The following GPR158 variants were observed in gnomAD, a reference collection of about 807,000 sequenced individuals.
GPR158 encodes metabotropic glycine receptor.
A neutral mutation model predicts 78.2 loss-of-function variants in GPR158; 30 were observed. The ratio of observed to expected loss-of-function variants is 0.38; its 90% CI spans 0.29 to 0.52. GPR158 has a LOEUF of 0.52. Among genes scored for constraint, GPR158 ranks in the 20% least tolerant of loss-of-function variants. The probability of loss-of-function intolerance (pLI) is 0.83; values close to 1 mark genes in which losing one functional copy is unlikely to be tolerated. For missense variants in GPR158, 1,463 were observed against 1,523.5 expected (o/e 0.96, Z 0.66); for synonymous variants, 581 against 591.1 (o/e 0.98, Z 0.25).
chr10:25,348,961 T>C (rs1188206936), intron 2 of GPR158, among the ~76,000 whole-genome samples: 1 of 152,060 alleles, frequency 6.6e-6, no homozygotes, highest in Non-Finnish European at 1.5e-5. Context: ...TCACCATTCA[T>C]AACCAATTCT....
intron 6 of GPR158, among the ~76,000 whole-genome samples, chr10:25,554,545 A>G (rs943003742): frequency 6.6e-6 from 1 of 152,146 alleles, no homozygotes; most frequent in Non-Finnish European, 1.5e-5. Flanking sequence ...ATGAAAATAA[A>G]TGCTATTTTC....
At chr10:25,433,572 C>T (rs375991329) in intron 4 of GPR158, among the ~76,000 whole-genome samples, 12,589 of 98,376 alleles carry the variant, frequency 0.13, 1,379 homozygotes, top group African/African-American at 0.34. Context: ...TGTGTGTGTG[C>T]GCGCGCGCGT....
intron 2 of GPR158, among the ~76,000 whole-genome samples, chr10:25,308,691 A>T (rs1398538484): frequency 2.0e-5 from 3 of 152,106 alleles, no homozygotes; most frequent in Non-Finnish European, 4.4e-5. Flanking sequence ...GAAACTCTGC[A>T]CCTGTTAAAC....
intron 1 of GPR158, among the ~76,000 whole-genome samples, chr10:25,201,666 G>A (rs978191752): frequency 1.3e-5 from 2 of 152,060 alleles, no homozygotes; most frequent in African/African-American, 4.8e-5. Flanking sequence ...TCAATGCCTA[G>A]TTTGTTGAGG....
chr10:25,586,791 A>G (rs1350325017), intron 7 of GPR158, among the ~76,000 whole-genome samples: 3 of 152,178 alleles, frequency 2.0e-5, no homozygotes, highest in African/African-American at 7.2e-5. Flanking sequence ...AAGTCCCAAT[A>G]TGATCAAAAT....
intron 2 of GPR158, among the ~76,000 whole-genome samples, chr10:25,299,700 T>C (rs1286167767): frequency 6.6e-6 from 1 of 152,186 alleles, no homozygotes; most frequent in African/African-American, 2.4e-5. Flanking sequence ...AACACGGGAG[T>C]GCAGATATGT....
intron 5 of GPR158, among the ~76,000 whole-genome samples, chr10:25,518,556 G>T (rs1276132275): frequency 3.1e-5 from 2 of 63,684 alleles, no homozygotes; most frequent in African/African-American, 1.8e-4. Flanking sequence ...GCGTCCCAGA[G>T]ATTCTGGTAT....
intron 2 of GPR158, among the ~76,000 whole-genome samples, 183 bp from the exon 3 acceptor site, chr10:25,395,728 T>A (rs1834355480): frequency 6.6e-6 from 1 of 152,182 alleles, no homozygotes; most frequent in South Asian, 2.1e-4. Context: ...GAAAGGAAAC[T>A]TAATTTACTG....
intron 2 of GPR158, among the ~76,000 whole-genome samples, chr10:25,249,458 T>C (rs1468830672): frequency 2.0e-5 from 3 of 152,012 alleles, no homozygotes; most frequent in South Asian, 2.1e-4. Context: ...TTGTCATAGA[T>C]AGCTCTTATT....
At chr10:25,434,897 C>T in intron 4 of GPR158, among the ~76,000 whole-genome samples, 1 of 152,026 alleles carries the variant, frequency 6.6e-6, no homozygotes, top group Middle Eastern at 3.2e-3. Context: ...ATTCATCAGA[C>T]TAATAGAAGA....
chr10:25,532,587 A>G (rs1836439489), intron 5 of GPR158, among the ~76,000 whole-genome samples: 1 of 152,172 alleles, frequency 6.6e-6, no homozygotes. Context: ...GATATTACAT[A>G]TGATACTTTC....
chr10:25,254,882 A>T (rs114591944), intron 2 of GPR158, among the ~76,000 whole-genome samples: 1,544 of 152,262 alleles, frequency 0.01, 23 homozygotes, highest in South Asian at 0.058. Context: ...CTTTTTCAAG[A>T]GAGTTAGTTG....
chr10:25,377,560 A>G (rs1834098399), intron 2 of GPR158, among the ~76,000 whole-genome samples: 1 of 152,028 alleles, frequency 6.6e-6, no homozygotes, highest in African/African-American at 2.4e-5. Flanking sequence ...ACACTTGGCA[A>G]TCACTATTCT....
In GPR158 at chr10:25,404,457, G is replaced by A. The variant is rs1191493411; in HGVS notation, c.1112-7793G>A. Among the ~76,000 whole-genome samples, 3 of 152,150 alleles carry A rather than the reference G, an allele frequency of 2.0e-5. No homozygotes were observed. In the South Asian group the frequency reaches 6.2e-4, roughly 32 times the overall value. On this transcript the variant is annotated intron_variant, in intron 3 of 10. Transcript: ENST00000376351. ...AAGTTGCCTTTTATACATGAATATT[G>A]AAATATTTAACCAACGATTTATTTC...
At chr10:25,370,581 C>G (rs1295163573) in intron 2 of GPR158, among the ~76,000 whole-genome samples, 2 of 145,152 alleles carry the variant, frequency 1.4e-5, no homozygotes, top group African/African-American at 5.2e-5. Context: ...GAGAGCTTTA[C>G]TTCCAAGTAT....
intron 2 of GPR158, among the ~76,000 whole-genome samples, chr10:25,388,518 C>G (rs111494045): frequency 6.6e-6 from 1 of 152,368 alleles, no homozygotes; most frequent in Non-Finnish European, 1.5e-5. Flanking sequence ...ACATTGGAGT[C>G]ATTTTTGTGG....
intron 1 of GPR158, among the ~76,000 whole-genome samples, chr10:25,212,377 A>G (rs1180036814): frequency 6.6e-6 from 1 of 151,938 alleles, no homozygotes; most frequent in Non-Finnish European, 1.5e-5. Flanking sequence ...ACGAGAACAT[A>G]CTCACCATCA....
chr10:25,331,739 T>C (rs181522773), intron 2 of GPR158, among the ~76,000 whole-genome samples: 1 of 152,346 alleles, frequency 6.6e-6, no homozygotes, highest in African/African-American at 2.4e-5. Context: ...GAGTCCCGCA[T>C]GCTTTGTTCT....
chr10:25,514,978 A>G (rs1218016316), intron 5 of GPR158, among the ~76,000 whole-genome samples: 1 of 152,086 alleles, frequency 6.6e-6, no homozygotes, highest in East Asian at 1.9e-4. Context: ...TAAATAACCT[A>G]ATGACTATGT....
Sources: gnomAD v4.1 joint callset for allele counts (sites outside exome capture counted in the v4.1 genomes callset) on GRCh38, gnomAD v4.1.1 for gene constraint, MANE v1.5 for transcripts, NCBI Gene and HGNC (gene_info 2026-07-23, HGNC 2026-07-21) for gene names.